TRAP1: variants seen among roughly 807,000 people sequenced by gnomAD.
The protein encoded by TRAP1 is heat shock protein 75 kDa, mitochondrial.
TRAP1 carries 102 observed loss-of-function variants against 89.1 expected under a neutral mutation model. That is an observed-to-expected ratio of 1.15 (90% CI 0.98 to 1.35). The LOEUF (loss-of-function observed/expected upper bound fraction) is 1.35, where lower values mean the gene tolerates loss of function less well. Among genes scored for constraint, TRAP1 ranks in the 40% most tolerant of loss-of-function variants. TRAP1 has a pLI of 0.00. For missense variants in TRAP1, 1,256 were observed against 945.3 expected (o/e 1.33, Z -4.31); for synonymous variants, 508 against 388.0 (o/e 1.31, Z -3.64).
intron 16 of TRAP1, chr16:3,660,305 T>G (rs1039738151): frequency 2.0e-5 from 3 of 152,246 alleles, no homozygotes; most frequent in Non-Finnish European, 2.9e-5. Flanking sequence ...TTTTGAATTC[T>G]GAACTATGTG....
intron 8 of TRAP1, 23 bp downstream of exon 8, chr16:3,675,301 C>T (rs1179225198): frequency 1.9e-6 from 3 of 1,611,296 alleles, no homozygotes; most frequent in Middle Eastern, 1.7e-4. Context: ...TTTGACCAGT[C>T]CCTAGAGGAA....
Position 3,686,024 on chromosome 16 carries a change from T to A in TRAP1, c.443A>T (p.Asn148Ile). ...GATGGTGATGGTGCCTTTCTCGGCA[T>A]TGGTCTGCAAGTGAATCTCCATTTC... ...LPEMEIHLQT[N>I]AEKGTITIQD... Residue 148 changes from asparagine (N) to isoleucine (I), a missense_variant, in exon 4 of 18, where the codon AAT (asparagine) becomes ATT (isoleucine). Transcript: ENST00000246957. 1 of 1,614,038 alleles carries A rather than the reference T, an allele frequency of 6.2e-7. No homozygotes were observed. Among genetic ancestry groups the A allele is most frequent in the Non-Finnish European group, 8.5e-7 (1 of 1,179,980 alleles).
At chr16:3,671,671 G>A (rs56373045) in intron 11 of TRAP1, 51 bp downstream of exon 11, 95,188 of 1,587,130 alleles carry the variant, frequency 0.06, 3,062 homozygotes, top group Admixed American at 0.064. Flanking sequence ...CAAAGGAGCA[G>A]GTAGGGGCCT....
intron 1 of TRAP1, among the ~76,000 whole-genome samples, chr16:3,711,750 T>C (rs951431851): frequency 1.3e-5 from 2 of 152,094 alleles, no homozygotes; most frequent in Non-Finnish European, 2.9e-5. Context: ...ACACCACAAA[T>C]AAACTCCCTG....
At chr16:3,678,965 C>CG (rs2051037880) in intron 5 of TRAP1, among the ~76,000 whole-genome samples, 1 of 152,166 alleles carries the variant, frequency 6.6e-6, no homozygotes, top group Admixed American at 6.5e-5. Flanking sequence ...TCTCACACAG[C>CG]GCCGTGATGA....
intron 1 of TRAP1, among the ~76,000 whole-genome samples, chr16:3,714,086 C>T (rs535314609): frequency 6.6e-6 from 1 of 152,208 alleles, no homozygotes; most frequent in Non-Finnish European, 1.5e-5. Flanking sequence ...TTCCTCCCTC[C>T]CCTCCAGTGA....
intron 12 of TRAP1, 98 bp from the exon 13 acceptor site, chr16:3,664,557 G>C: frequency 7.6e-7 from 1 of 1,319,498 alleles, no homozygotes. Context: ...ATGGCCTCCT[G>C]GCACTCCAGG....
chr16:3,714,078 C>T (rs2051566544), intron 1 of TRAP1, among the ~76,000 whole-genome samples: 2 of 152,214 alleles, frequency 1.3e-5, no homozygotes, highest in Admixed American at 6.5e-5. Context: ...ATGGAACGTT[C>T]CTCCCTCCCC....
At chr16:3,674,709 G>T in intron 8 of TRAP1, 1 of 600,346 alleles carries the variant, frequency 1.7e-6, no homozygotes, top group Non-Finnish European at 2.9e-6. Flanking sequence ...GAGCTCCTCA[G>T]GACAACATGT....
rs529349755 is a variant in TRAP1 at position 3,662,707 on chromosome 16, C to T, written c.1794+175G>A. 2.0e-4 allele frequency: 140 copies of T among 706,170 alleles called. No individual in the cohort carries two copies. In the African/African-American group the frequency reaches 2.1e-3, roughly 11 times the overall value. 43.7% of individuals were successfully genotyped at this position (706,170 alleles called of 1,614,324 possible). ...GAAAGACACGGCCTTCCTGCCTCAG[C>T]GGCACTCCCGAGCAACACGTGCCGA... On this transcript the variant is annotated intron_variant, in intron 15 of 17. Coordinates refer to ENST00000246957, the MANE Select transcript of TRAP1 (RefSeq NM_016292.3).
At chr16:3,679,290 C>G (rs1324448014) in intron 5 of TRAP1, among the ~76,000 whole-genome samples, 1 of 151,710 alleles carries the variant, frequency 6.6e-6, no homozygotes. Context: ...ATTCAACCAG[C>G]CAAGGATCGA....
chr16:3,705,865 T>A (rs4785938), intron 1 of TRAP1, among the ~76,000 whole-genome samples: 15,714 of 148,718 alleles, frequency 0.11, 1,110 homozygotes, highest in African/African-American at 0.22. Flanking sequence ...ATATATATAT[T>A]TTTTTTTAGT....
chr16:3,696,320 G>C (rs1283126514), intron 1 of TRAP1, among the ~76,000 whole-genome samples: 1 of 152,162 alleles, frequency 6.6e-6, no homozygotes, highest in Non-Finnish European at 1.5e-5. Context: ...AGAACACACA[G>C]CCCAGCCAGA....
chr16:3,681,005 C>T lies in TRAP1; in HGVS notation c.472-1215G>A, dbSNP rs138247542. ...CAGCCTGAATCACAATACAGACCAA[C>T]GCGCTGGTGAACACACAAGGCCTTA... On this transcript the variant is annotated intron_variant, in intron 4 of 17. Transcript: ENST00000246957. 1.9e-3 allele frequency among the ~76,000 whole-genome samples: 288 copies of T among 152,286 alleles called. 1 individual carries two copies. The highest frequency in any genetic ancestry group is 6.5e-3 in the African/African-American group (270 of 41,556).
rs960187633 is a variant in TRAP1, at chr16:3,699,393, T to A, written c.89-8408A>T. On this transcript the variant is annotated intron_variant, in intron 1 of 17. Coordinates refer to ENST00000246957, the MANE Select transcript of TRAP1 (RefSeq NM_016292.3). ...TGGCTCACACCATAATCCCAGCACT[T>A]TGGGAGGCCGAGGCGGGTGGATCAC... is the stretch of plus-strand genomic sequence containing the variant. Among the ~76,000 whole-genome samples the A allele has an allele frequency of 2.6e-5, 4 of 152,266 alleles. No individual in the cohort carries two copies. The South Asian group carries it at 8.3e-4, about 32-fold the overall frequency.
Position 3,664,463 on chromosome 16 carries a change from G to C in TRAP1, c.1384-4C>G, listed in dbSNP as rs1383183267. 29 of 1,607,296 alleles carry C rather than the reference G, an allele frequency of 1.8e-5. No homozygotes were observed. The East Asian group carries it at 6.3e-4, about 35-fold the overall frequency. ...GCAGCAGCTTTGCTATGTCCTCCTA[G>C]AAGGGACGGGGCAGGTCACCACTTA... On this transcript the variant is annotated splice_polypyrimidine_tract_variant and splice_region_variant and intron_variant, in intron 12 of 17. Coordinates refer to ENST00000246957, the MANE Select transcript of TRAP1 (RefSeq NM_016292.3).
intron 11 of TRAP1, among the ~76,000 whole-genome samples, chr16:3,666,772 T>C (rs1368591116): frequency 6.6e-6 from 1 of 152,206 alleles, no homozygotes; most frequent in Non-Finnish European, 1.5e-5. Flanking sequence ...TTGGGATTTA[T>C]ACTGAATATA....
At chr16:3,708,041 G>C (rs1429894955) in intron 1 of TRAP1, among the ~76,000 whole-genome samples, 1 of 151,988 alleles carries the variant, frequency 6.6e-6, no homozygotes, top group Non-Finnish European at 1.5e-5. Flanking sequence ...TTTTTAATTA[G>C]CCAGGCATGG....
At chr16:3,669,672 A>C (rs990858887) in intron 11 of TRAP1, among the ~76,000 whole-genome samples, 1 of 151,680 alleles carries the variant, frequency 6.6e-6, no homozygotes, top group African/African-American at 2.4e-5. Context: ...GTCTCTACTA[A>C]ATATACAAAA....
Sources: allele counts gnomAD v4.1 joint callset (sites outside exome capture counted in the v4.1 genomes callset), GRCh38; gene constraint gnomAD v4.1.1; transcripts MANE v1.5; gene names NCBI Gene and HGNC (gene_info 2026-07-23, HGNC 2026-07-21).